The following CAMKMT variants were observed in gnomAD, a reference collection of about 807,000 sequenced individuals.
CAMKMT encodes the protein calmodulin-lysine N-methyltransferase.
In CAMKMT, 53 loss-of-function variants were observed where a neutral mutation model predicts 48.0. The observed-to-expected ratio is 1.10, with a 90% CI of 0.89 to 1.39. The LOEUF is 1.39. Ranked by LOEUF, CAMKMT falls within the 40% of genes most tolerant of loss-of-function variation. The pLI, the probability that CAMKMT is intolerant of heterozygous loss-of-function variation, is 0.00. For synonymous variants in CAMKMT, 165 were observed against 152.3 expected (o/e 1.08, Z -0.61); for missense variants, 428 against 402.7 (o/e 1.06, Z -0.54).
At chr2:44,556,965 G>A (rs938332866) in intron 3 of CAMKMT, among the ~76,000 whole-genome samples, 3 of 152,044 alleles carry the variant, frequency 2.0e-5, no homozygotes, top group African/African-American at 7.2e-5. Flanking sequence ...TTTATTTCAG[G>A]GAGAAAATGC....
chr2:44,626,156 A>G (rs1672469736), intron 3 of CAMKMT, among the ~76,000 whole-genome samples: 2 of 152,300 alleles, frequency 1.3e-5, no homozygotes, highest in South Asian at 4.2e-4. Flanking sequence ...ATCCATAATA[A>G]TGATATCTCA....
intron 3 of CAMKMT, among the ~76,000 whole-genome samples, chr2:44,680,087 C>T (rs144197009): frequency 2.0e-5 from 3 of 152,190 alleles, no homozygotes; most frequent in Non-Finnish European, 2.9e-5. Context: ...TTTTAATCAG[C>T]GGTGTTTTCT....
chr2:44,510,227 C>G (rs1012585786), intron 3 of CAMKMT, among the ~76,000 whole-genome samples: 1 of 152,174 alleles, frequency 6.6e-6, no homozygotes, highest in South Asian at 2.1e-4. Flanking sequence ...ATTTTAGTCT[C>G]TTTAAATCTG....
At chr2:44,453,044 A>G (rs771532098) in intron 3 of CAMKMT, among the ~76,000 whole-genome samples, 1 of 152,056 alleles carries the variant, frequency 6.6e-6, no homozygotes, top group Admixed American at 6.6e-5. Flanking sequence ...CAAAGACTAT[A>G]TGCTGCAGGA....
At chr2:44,376,607 T>C (rs1679723903) in intron 2 of CAMKMT, among the ~76,000 whole-genome samples, 2 of 152,170 alleles carry the variant, frequency 1.3e-5, no homozygotes, top group African/African-American at 4.8e-5. Context: ...TCTTAAACTT[T>C]TGCTACCCAT....
chr2:44,405,000 G>A (rs959527724), intron 3 of CAMKMT, among the ~76,000 whole-genome samples: 10 of 152,044 alleles, frequency 6.6e-5, no homozygotes, highest in Non-Finnish European at 8.8e-5. Context: ...ACGAAAATGC[G>A]TTGTGTTTAA....
intron 3 of CAMKMT, among the ~76,000 whole-genome samples, chr2:44,539,394 A>G (rs1029005625): frequency 6.6e-6 from 1 of 152,086 alleles, no homozygotes; most frequent in Non-Finnish European, 1.5e-5. Context: ...TAAGTTGCAG[A>G]CATGATATCC....
At chr2:44,388,532 G>T (rs956787652) in intron 2 of CAMKMT, among the ~76,000 whole-genome samples, 3 of 152,114 alleles carry the variant, frequency 2.0e-5, no homozygotes, top group African/African-American at 7.2e-5. Context: ...TCTTGGTCCG[G>T]ATCCGTTGCT....
intron 10 of CAMKMT, among the ~76,000 whole-genome samples, chr2:44,768,359 ATATTT>A (rs1680938948): frequency 2.0e-5 from 2 of 101,532 alleles, no homozygotes; most frequent in Non-Finnish European, 4.0e-5. Context: ...ATATATATAT[ATATTT>A]TTTTTTTTTT....
chr2:44,363,206 A>T (rs1678150673), intron 1 of CAMKMT, among the ~76,000 whole-genome samples: 1 of 152,234 alleles, frequency 6.6e-6, no homozygotes, highest in African/African-American at 2.4e-5. Flanking sequence ...CAGACCAGTA[A>T]TGATCTGGTT....
chr2:44,372,093 A>G (rs1679234436), intron 1 of CAMKMT, among the ~76,000 whole-genome samples: 1 of 152,220 alleles, frequency 6.6e-6, no homozygotes, highest in South Asian at 2.1e-4. Context: ...GAAGCAGCTT[A>G]TCTTCTTGGT....
chr2:44,651,327 G>T (rs573544488), intron 3 of CAMKMT, among the ~76,000 whole-genome samples: 1 of 152,290 alleles, frequency 6.6e-6, no homozygotes, highest in East Asian at 1.9e-4. Flanking sequence ...TTTGGAATAT[G>T]CAGACATCAA....
chr2:44,511,321 C>T (rs1487138807), intron 3 of CAMKMT, among the ~76,000 whole-genome samples: 1 of 152,238 alleles, frequency 6.6e-6, no homozygotes, highest in Non-Finnish European at 1.5e-5. Flanking sequence ...CGGAGTCTTG[C>T]TCTGTCACGC....
chr2:44,403,953 A>T (rs1440251097), intron 3 of CAMKMT, among the ~76,000 whole-genome samples: 1 of 152,176 alleles, frequency 6.6e-6, no homozygotes, highest in Non-Finnish European at 1.5e-5. Context: ...GATGTCACCT[A>T]TAAAGCTTTT....
chr2:44,563,708 G>T (rs1427095123), intron 3 of CAMKMT, among the ~76,000 whole-genome samples: 1 of 152,042 alleles, frequency 6.6e-6, no homozygotes, highest in Admixed American at 6.6e-5. Context: ...CCACCTATGA[G>T]TGAGAACATG....
At chr2:44,387,334 C>A in intron 2 of CAMKMT, among the ~76,000 whole-genome samples, 1 of 152,268 alleles carries the variant, frequency 6.6e-6, no homozygotes, top group South Asian at 2.1e-4. Flanking sequence ...AGAATAGCTA[C>A]GCCTGCTAGT....
chr2:44,651,297 A>G (rs1244399797), intron 3 of CAMKMT, among the ~76,000 whole-genome samples: 2 of 152,246 alleles, frequency 1.3e-5, no homozygotes, highest in Non-Finnish European at 2.9e-5. Context: ...AGAATAGTCA[A>G]CTGACTTACG....
rs530434949 is a variant in CAMKMT, at chr2:44,445,329, C to T, written c.376+55024C>T. 4.1e-4 allele frequency among the ~76,000 whole-genome samples: 63 copies of T among 152,218 alleles called. 1 individual carries two copies. The South Asian group carries it at 0.013, about 32-fold the overall frequency. Reference sequence around the variant, plus strand: ...AGGACTCACTTCCTTCTTTCCCTCACATACCCCAGGTATTTGCTAGGAAGA... The same window carrying T: ...AGGACTCACTTCCTTCTTTCCCTCATATACCCCAGGTATTTGCTAGGAAGA... On this transcript the variant is annotated intron_variant, in intron 3 of 10. Coordinates refer to ENST00000378494, the MANE Select transcript of CAMKMT (RefSeq NM_024766.5).
chr2:44,586,447 C>G (rs979992064), intron 3 of CAMKMT, among the ~76,000 whole-genome samples: 1 of 152,104 alleles, frequency 6.6e-6, no homozygotes, highest in African/African-American at 2.4e-5. Flanking sequence ...CTACCCTTCC[C>G]TAGGCAAATA....
Sources: gnomAD v4.1 joint callset for allele counts (sites outside exome capture counted in the v4.1 genomes callset) on GRCh38, gnomAD v4.1.1 for gene constraint, MANE v1.5 for transcripts, NCBI Gene and HGNC (gene_info 2026-07-23, HGNC 2026-07-21) for gene names.